Variants in ATG9A observed in about 807,000 individuals in gnomAD.
The protein encoded by ATG9A is autophagy related 9A.
A neutral mutation model predicts 87.1 loss-of-function variants in ATG9A; 21 were observed. The observed-to-expected ratio is 0.24, with a 90% CI of 0.17 to 0.35. The LOEUF is 0.35. ATG9A is among the 10% of genes least tolerant of loss of function. ATG9A has a pLI of 1.00. For synonymous variants in ATG9A, 422 were observed against 441.3 expected, an observed-to-expected ratio of 0.96 and a Z score of 0.55; for missense variants, 836 against 1,107.3, an observed-to-expected ratio of 0.76 and a Z score of 3.48.
rs1343476312 is a variant in ATG9A at position 219,219,876 on chromosome 2, G to GA, written c.*570dup. The GA allele has an allele frequency of 6.5e-6, 1 of 154,272 alleles. No individual in the cohort carries two copies. The highest frequency in any genetic ancestry group is 2.0e-4 in the South Asian group (1 of 5,018). 9.6% of individuals were successfully genotyped at this position (154,272 alleles called of 1,614,324 possible). Reference sequence around the variant, plus strand: ...CCTAACGCAAAGCAAAAGCCGAACGGAACGGGAGCAAGCGAACAGAACAGG... The same window carrying GA: ...CCTAACGCAAAGCAAAAGCCGAACGGAAACGGGAGCAAGCGAACAGAACAGG... On this transcript the variant is annotated 3_prime_UTR_variant, in exon 16 of 16. Transcript: ENST00000361242.
At chr2:219,220,983 G>A in intron 14 of ATG9A, 91 bp from the exon 15 acceptor site, 7 of 1,593,328 alleles carry the variant, frequency 4.4e-6, no homozygotes, top group Non-Finnish European at 6.0e-6. Context: ...TGAGTCTTTG[G>A]GCCTGTTCTC....
Position 219,220,202 on chromosome 2 carries a change from T to C in ATG9A, c.*245A>G, listed in dbSNP as rs1950722212. 3.8e-6 allele frequency: 2 copies of C among 528,948 alleles called. No individual in the cohort carries two copies. The highest frequency in any genetic ancestry group is 6.8e-6 in the Non-Finnish European group (2 of 295,216). 32.8% of individuals were successfully genotyped at this position (528,948 alleles called of 1,614,324 possible). A position where few individuals can be genotyped will look rare whatever the true frequency, so the allele number is the denominator to read the frequency against. On this transcript the variant is annotated 3_prime_UTR_variant, in exon 16 of 16. Transcript: ENST00000361242. ...GGGGCCAGTTTCTAGCACCACACTC[T>C]GAGCCAAGGGGGTCCTGGGGATGAG...
In ATG9A at chr2:219,224,916, T is replaced by G. The variant is rs1387300410; in HGVS notation, c.517-62A>C. On this transcript the variant is annotated intron_variant, in intron 7 of 15. Transcript: ENST00000361242. This position sits in a 1 kb window ranked among gnomAD's most constrained non-coding sequence, Gnocchi z 7.7. ...GGTGGGGTTGTTGCCTCGACCCCTT[T>G]GCCCTATATTAGAAGTGAGATTCAG... 4 of 1,589,992 alleles carry G rather than the reference T, an allele frequency of 2.5e-6. No homozygotes were observed. The African/African-American group carries it at 5.4e-5, about 21-fold the overall frequency.
Position 219,226,924 on chromosome 2 carries a change from G to A in ATG9A, c.157C>T (p.Leu53=), listed in dbSNP as rs888761650. Residue 53 remains leucine (L), a synonymous_variant, in exon 5 of 16, where the codon CTG becomes TTG. Transcript: ENST00000361242. ...CATGTGAAGCCATTCTTCTGGTGCA[G>A]ATTATAAACGTGTAATTGTTAAGAA... ...LDLFFSRVYN[L]HQKNGFTCML... 1.9e-6 allele frequency: 3 copies of A among 1,613,350 alleles called. No individual in the cohort carries two copies. Among genetic ancestry groups the A allele is most frequent in the African/African-American group, 2.7e-5 (2 of 74,920 alleles).
Position 219,222,363 on chromosome 2 carries a change from C to T in ATG9A, c.1936G>A (p.Ala646Thr). The T allele has an allele frequency of 1.2e-6, 2 of 1,612,274 alleles. No homozygotes were observed. Among genetic ancestry groups the T allele is most frequent in the Non-Finnish European group, 1.7e-6 (2 of 1,179,540 alleles). The change falls in exon 12 of 16, where the codon GCT becomes ACT. Residue 646 changes from alanine (A) to threonine (T), a missense_variant. Transcript: ENST00000361242. This position sits in a 1 kb window ranked among gnomAD's most constrained non-coding sequence, Gnocchi z 4.3. ...GAGCGCAGGGCAGAGGCGACTTCAG[C>T]CCTGTGCCTGGAGCCCTGCAGGTCT... ...PRDLQGSRHR[A>T]EVASALRSFS... is the part of the protein sequence containing the mutation.
At position 219,224,555 on chromosome 2, in the gene ATG9A, C is replaced by T; in HGVS notation, c.816G>A (p.Glu272=). ...LFLNEWSLKA[E]YKRGGQRLEL... ...CTAGCCGTTGCCCCCCACGTTTGTA[C>T]TCGGCCTTGAGGCTCCATTCATTGA... Residue 272 remains glutamate, a synonymous_variant, in exon 8 of 16, where the codon GAG becomes GAA. Coordinates refer to ENST00000361242, the MANE Select transcript of ATG9A (RefSeq NM_001077198.3). This position sits in a 1 kb window ranked among gnomAD's most constrained non-coding sequence, Gnocchi z 7.7. The T allele has an allele frequency of 6.2e-7, 1 of 1,614,218 alleles. No individual in the cohort carries two copies.
At position 219,222,906 on chromosome 2, in the gene ATG9A, G is replaced by A. The variant is rs1950790268; in HGVS notation, c.1600-13C>T. The A allele has an allele frequency of 3.7e-6, 6 of 1,613,702 alleles. No individual in the cohort carries two copies. Among genetic ancestry groups the A allele is most frequent in the Admixed American group, 1.7e-5 (1 of 60,022 alleles). On this transcript the variant is annotated splice_polypyrimidine_tract_variant and intron_variant, in intron 10 of 15. Coordinates refer to ENST00000361242, the MANE Select transcript of ATG9A (RefSeq NM_001077198.3). The surrounding 1 kb of genome is among the most constrained non-coding windows in gnomAD (Gnocchi z 4.3). ...CAGCAGATAGCCACTGCACAAGGAAGAGCAGAGTAAGCAGGGCTGTTCTCT... is the reference window on the plus strand; with the variant it reads ...CAGCAGATAGCCACTGCACAAGGAAAAGCAGAGTAAGCAGGGCTGTTCTCT...
rs200002062 is a variant in ATG9A at position 219,222,805 on chromosome 2, G to C, written c.1688C>G (p.Thr563Ser). Residue 563 changes from threonine to serine, a missense_variant, in exon 11 of 16, where the codon ACC becomes AGC. Around this residue, in one of 2 missense-constraint regions of ATG9A, gnomAD observed 512 missense variants for 759.6 expected, o/e 0.67. Coordinates refer to ENST00000361242, the MANE Select transcript of ATG9A (RefSeq NM_001077198.3). This position sits in a 1 kb window ranked among gnomAD's most constrained non-coding sequence, Gnocchi z 4.3. The stretch of plus-strand genomic sequence containing the variant: ...ACGTGGTGGCTGCCAGCCAGGGTTG[G>C]TGATGGCAAAGTGCATGAGTGACAA... ...TELSLMHFAI[T>S]NPGWQPPRES... 3.6e-4 allele frequency: 589 copies of C among 1,614,090 alleles called. No individual in the cohort carries two copies. Among genetic ancestry groups the C allele is most frequent in the Non-Finnish European group, 4.7e-4 (552 of 1,180,048 alleles).
rs1263591878 is a variant in ATG9A, at chr2:219,229,078, G to C, written c.-82+457C>G. ...GGCCCCGGTGGGATTCCCTGGGCTA[G>C]TGAGAGCCCTGCCCCTCAGGGAAGT... On this transcript the variant is annotated intron_variant, in intron 1 of 15. Coordinates refer to ENST00000361242, the MANE Select transcript of ATG9A (RefSeq NM_001077198.3). This position sits in a 1 kb window ranked among gnomAD's most constrained non-coding sequence, Gnocchi z 4.2. 1 of 152,298 alleles carries C rather than the reference G, an allele frequency of 6.6e-6. No homozygotes were observed. Among genetic ancestry groups the C allele is most frequent in the East Asian group, 1.9e-4 (1 of 5,170 alleles). The allele number at this position is 152,298 out of a possible 1,614,324, so 9.4% of individuals were successfully genotyped here. A position where few individuals can be genotyped will look rare whatever the true frequency, so the allele number is the denominator to read the frequency against.
Position 219,222,824 on chromosome 2 carries a change from G to C in ATG9A, c.1669C>G (p.Leu557Val). The C allele has an allele frequency of 6.2e-7, 1 of 1,614,214 alleles. No individual in the cohort carries two copies. Among genetic ancestry groups the C allele is most frequent in the Non-Finnish European group, 8.5e-7 (1 of 1,180,048 alleles). The change falls in exon 11 of 16, where the codon CTC becomes GTC. Residue 557 changes from leucine (L) to valine (V), a missense_variant. Physicochemically the swap from Leu to Val is conservative, Grantham distance 32. Around this residue, in one of 2 missense-constraint regions of ATG9A, gnomAD observed 512 missense variants for 759.6 expected, o/e 0.67. Coordinates refer to ENST00000361242, the MANE Select transcript of ATG9A (RefSeq NM_001077198.3). This position sits in a 1 kb window ranked among gnomAD's most constrained non-coding sequence, Gnocchi z 4.3. Reference protein sequence around the residue: ...QAEDGKTELSLMHFAITNPGW... With the variant: ...QAEDGKTELSVMHFAITNPGW... ...GGGTTGGTGATGGCAAAGTGCATGA[G>C]TGACAACTCTGTCTTTCCATCCTCA...
chr2:219,226,103 G>A (rs2106443675), intron 5 of ATG9A, among the ~76,000 whole-genome samples: 1 of 152,272 alleles, frequency 6.6e-6, no homozygotes, highest in Admixed American at 6.5e-5. Context: ...AGATGATCAA[G>A]GTCAAGGCCT....
chr2:219,223,834 A>T lies in ATG9A; in HGVS notation c.1419+35T>A, dbSNP rs1950812096. Reference sequence around the variant, plus strand: ...AGCCCTCACCACCGAGCTACCAGCCAGTCTCTAGCAGGCCCTAACTCCAAC... The same window carrying T: ...AGCCCTCACCACCGAGCTACCAGCCTGTCTCTAGCAGGCCCTAACTCCAAC... On this transcript the variant is annotated intron_variant, in intron 9 of 15. Transcript: ENST00000361242. The surrounding 1 kb of genome is among the most constrained non-coding windows in gnomAD (Gnocchi z 4.7). 6.2e-7 allele frequency: 1 copy of T among 1,614,074 alleles called. No homozygotes were observed. Among genetic ancestry groups the T allele is most frequent in the South Asian group, 1.1e-5 (1 of 91,070 alleles).
intron 4 of ATG9A, among the ~76,000 whole-genome samples, chr2:219,227,344 C>A (rs1950882458): frequency 6.6e-6 from 1 of 152,208 alleles, no homozygotes; most frequent in Non-Finnish European, 1.5e-5. Flanking sequence ...TGGTGAAACC[C>A]TGTCTCTATG....
rs1347669954 is a variant in ATG9A at position 219,222,637 on chromosome 2, G to A, written c.1848+8C>T. On this transcript the variant is annotated splice_region_variant and intron_variant, in intron 11 of 15. Transcript: ENST00000361242. The surrounding 1 kb of genome is among the most constrained non-coding windows in gnomAD (Gnocchi z 4.3). Reference sequence around the variant, plus strand: ...CTGCCCATCATCTCCCAGTCACCAGGAACACACCTCAGACTCAGATTGTAA... The same window carrying A: ...CTGCCCATCATCTCCCAGTCACCAGAAACACACCTCAGACTCAGATTGTAA... The A allele has an allele frequency of 3.7e-6, 6 of 1,613,358 alleles. No homozygotes were observed. In the Admixed American group the frequency reaches 1.0e-4, roughly 27 times the overall value.
At chr2:219,227,715 G>T in intron 4 of ATG9A, 55 bp downstream of exon 4, 1 of 1,591,872 alleles carries the variant, frequency 6.3e-7, no homozygotes, top group Non-Finnish European at 8.6e-7. Context: ...CCAGAGCCCC[G>T]GCTTAGAGAG....
Position 219,229,521 on chromosome 2 carries a change from G to C in ATG9A, c.-82+14C>G, listed in dbSNP as rs1184554486. On this transcript the variant is annotated intron_variant, in intron 1 of 15. Coordinates refer to ENST00000361242, the MANE Select transcript of ATG9A (RefSeq NM_001077198.3). This position sits in a 1 kb window ranked among gnomAD's most constrained non-coding sequence, Gnocchi z 4.2. ...ACGGGGCCTGGGATTCCAATAACCG[G>C]TCTCACGTCTTACCTCAGGAACAGC... The C allele has an allele frequency of 6.6e-6, 1 of 152,630 alleles. No individual in the cohort carries two copies. The highest frequency in any genetic ancestry group is 1.5e-5 in the Non-Finnish European group (1 of 68,048). The allele number at this position is 152,630 out of a possible 1,614,324, so 9.5% of individuals were successfully genotyped here.
chr2:219,225,418 T>C lies in ATG9A; in HGVS notation c.367A>G (p.Ser123Gly), dbSNP rs774310794. ...TTGACTTGCAGCCCTTACCTGGCAC[T>C]ACAGACTTGAGCAGGCAAAAAGGCG... The part of the protein sequence containing the change: ...PDAFLPAQVC[S>G]ARIQENGSLI... The change falls in exon 6 of 16, where the codon AGT (serine) becomes GGT (glycine). Residue 123 changes from serine to glycine, a missense_variant. Physicochemically the swap from Ser to Gly is moderately conservative, Grantham distance 56 (BLOSUM62 0). Coordinates refer to ENST00000361242, the MANE Select transcript of ATG9A (RefSeq NM_001077198.3). 58 of 1,613,980 alleles carry C rather than the reference T, an allele frequency of 3.6e-5. No homozygotes were observed. Among genetic ancestry groups the C allele is most frequent in the Non-Finnish European group, 4.7e-5 (56 of 1,179,962 alleles).
rs1381885803 is a variant in ATG9A at position 219,228,102 on chromosome 2, C to G, written c.-29-49G>C. The G allele has an allele frequency of 9.0e-6, 12 of 1,333,848 alleles. No individual in the cohort carries two copies. In the East Asian group the frequency reaches 2.3e-4, roughly 26 times the overall value. The allele number at this position is 1,333,848 out of a possible 1,614,324, so 82.6% of individuals were successfully genotyped here. A position where few individuals can be genotyped will look rare whatever the true frequency, so the allele number is the denominator to read the frequency against. On this transcript the variant is annotated intron_variant, in intron 2 of 15. Transcript: ENST00000361242. ...ACCCTGATTCAGTTCCAGCTGCTGC[C>G]CATGGGCTGCCCTGCCTACTGCCAA...
rs966779055 is a variant in ATG9A at position 219,227,715 on chromosome 2, G to A, written c.147+55C>T. 3.3e-5 allele frequency: 52 copies of A among 1,591,754 alleles called. 1 individual carries two copies. The South Asian group carries it at 4.9e-4, about 15-fold the overall frequency. The stretch of plus-strand genomic sequence containing the variant: ...TACCCCCACCTCCCACCAGAGCCCC[G>A]GCTTAGAGAGACATTAAAGGTCCCA... On this transcript the variant is annotated intron_variant, in intron 4 of 15. Transcript: ENST00000361242.
Sources: gnomAD v4.1 joint callset for allele counts (sites outside exome capture counted in the v4.1 genomes callset) on GRCh38, gnomAD v4.1.1 for gene constraint, gnomAD v4.1.1 regional missense constraint, Gnocchi (gnomAD v3.1) non-coding constraint, MANE v1.5 for transcripts, NCBI Gene and HGNC (gene_info 2026-07-23, HGNC 2026-07-21) for gene names.